MYRIP: variants seen among roughly 807,000 people sequenced by gnomAD.
MYRIP encodes myosin VIIA and Rab interacting protein, also known as rab effector MyRIP.
In MYRIP, 49 loss-of-function variants were observed where a neutral mutation model predicts 98.0. The ratio of observed to expected loss-of-function variants is 0.50; its 90% CI spans 0.40 to 0.63. The LOEUF (loss-of-function observed/expected upper bound fraction) is 0.63, where lower values mean the gene tolerates loss of function less well. MYRIP is among the 30% of genes least tolerant of loss of function. MYRIP has a pLI of 0.00. For synonymous variants in MYRIP, 404 were observed against 409.5 expected (o/e 0.99, Z 0.16); for missense variants, 1,004 against 1,058.2 (o/e 0.95, Z 0.71).
At chr3:40,018,277 A>C (rs936511016) in intron 2 of MYRIP, among the ~76,000 whole-genome samples, 1 of 152,180 alleles carries the variant, frequency 6.6e-6, no homozygotes, top group African/African-American at 2.4e-5. Context: ...TTTTACCATC[A>C]GAAATTGACT....
intron 2 of MYRIP, among the ~76,000 whole-genome samples, chr3:39,914,243 G>A (rs1052658349): frequency 5.9e-5 from 9 of 151,944 alleles, no homozygotes; most frequent in Admixed American, 2.6e-4. Context: ...CAAATAAGAC[G>A]GATAACATTA....
At chr3:40,043,905 C>CT in intron 2 of MYRIP, 145 bp from the exon 3 acceptor site, 1 of 651,256 alleles carries the variant, frequency 1.5e-6, no homozygotes, top group Non-Finnish European at 2.7e-6. Flanking sequence ...AGCAGTTGAT[C>CT]TTTCTGAGTT....
chr3:39,972,372 C>G (rs549012352), intron 2 of MYRIP, among the ~76,000 whole-genome samples: 1 of 152,036 alleles, frequency 6.6e-6, no homozygotes, highest in South Asian at 2.1e-4. Context: ...ATTAATTTAA[C>G]TTTGTTTTTG....
chr3:39,835,047 A>T (rs771765569), intron 1 of MYRIP, among the ~76,000 whole-genome samples: 3 of 152,326 alleles, frequency 2.0e-5, no homozygotes, highest in African/African-American at 7.2e-5. Context: ...TTCCATGTCA[A>T]TAAGAATGGA....
intron 2 of MYRIP, among the ~76,000 whole-genome samples, chr3:39,931,581 T>A (rs1239501380): frequency 6.6e-6 from 1 of 152,150 alleles, no homozygotes; most frequent in Non-Finnish European, 1.5e-5. Flanking sequence ...ATCCTTGTAT[T>A]GTTTTTTATC....
chr3:39,886,781 G>A (rs188613378), intron 1 of MYRIP, among the ~76,000 whole-genome samples: 4,214 of 151,684 alleles, frequency 0.028, 153 homozygotes, highest in East Asian at 0.15. Context: ...ACAGATCAAC[G>A]AGACAGAAAG....
At chr3:40,048,549 C>A (rs1947718396) in intron 3 of MYRIP, among the ~76,000 whole-genome samples, 1 of 152,090 alleles carries the variant, frequency 6.6e-6, no homozygotes, top group South Asian at 2.1e-4. Context: ...AGAAACATGG[C>A]ATTCATCAGG....
intron 2 of MYRIP, among the ~76,000 whole-genome samples, chr3:40,016,737 G>A (rs1253262138): frequency 6.6e-6 from 1 of 152,194 alleles, no homozygotes; most frequent in Non-Finnish European, 1.5e-5. Flanking sequence ...TGAAATTACT[G>A]TATCTCAAAC....
chr3:40,031,137 A>G (rs1947251919), intron 2 of MYRIP, among the ~76,000 whole-genome samples: 1 of 152,118 alleles, frequency 6.6e-6, no homozygotes, highest in African/African-American at 2.4e-5. Context: ...GGTCCAAGAT[A>G]AAGATGTCAG....
chr3:40,222,050 C>T (rs1214462911), intron 11 of MYRIP, among the ~76,000 whole-genome samples: 1 of 151,988 alleles, frequency 6.6e-6, no homozygotes, highest in Non-Finnish European at 1.5e-5. Flanking sequence ...CTTGGTTTTG[C>T]CCAGGAAAGA....
At chr3:39,965,772 C>T (rs1165276654) in intron 2 of MYRIP, among the ~76,000 whole-genome samples, 1 of 152,044 alleles carries the variant, frequency 6.6e-6, no homozygotes. Context: ...CACAAAATAC[C>T]TTCACAGCTA....
intron 1 of MYRIP, among the ~76,000 whole-genome samples, chr3:39,884,021 A>G (rs991059282): frequency 1.3e-5 from 2 of 152,134 alleles, no homozygotes. Flanking sequence ...CAAAAATATA[A>G]CACAAAACAA....
chr3:40,199,570 A>G (rs1951494824), intron 10 of MYRIP, among the ~76,000 whole-genome samples: 2 of 152,198 alleles, frequency 1.3e-5, no homozygotes, highest in Non-Finnish European at 2.9e-5. Flanking sequence ...CTGGGGCTCC[A>G]GAAGGTTCGC....
At chr3:39,877,450 G>GT (rs1156290656) in intron 1 of MYRIP, among the ~76,000 whole-genome samples, 273 of 152,072 alleles carry the variant, frequency 1.8e-3, no homozygotes, top group African/African-American at 6.1e-3. Context: ...TTTCTGCTCT[G>GT]TTTTTTCCCC....
At chr3:39,970,119 A>G (rs1429011878) in intron 2 of MYRIP, 1 of 152,136 alleles carries the variant, frequency 6.6e-6, no homozygotes, top group Non-Finnish European at 1.5e-5. Context: ...TCTTAACAAT[A>G]GATGGAGCTT....
intron 1 of MYRIP, among the ~76,000 whole-genome samples, chr3:39,873,436 T>G (rs549048405): frequency 6.6e-6 from 1 of 152,208 alleles, no homozygotes; most frequent in Non-Finnish European, 1.5e-5. Flanking sequence ...TGAATGGTAA[T>G]GCCTAGGTTT....
At chr3:39,938,896 A>G (rs1168777852) in intron 2 of MYRIP, among the ~76,000 whole-genome samples, 1 of 152,158 alleles carries the variant, frequency 6.6e-6, no homozygotes, top group African/African-American at 2.4e-5. Context: ...TACATCTCAC[A>G]AGTGGCAAAG....
chr3:40,126,705 G>GT (rs772148781), intron 3 of MYRIP, among the ~76,000 whole-genome samples: 27 of 152,118 alleles, frequency 1.8e-4, no homozygotes, highest in Non-Finnish European at 3.1e-4. Flanking sequence ...TTTTTGTTTT[G>GT]TTTTTTGCAA....
chr3:39,982,084 A>G (rs1945910098), intron 2 of MYRIP, among the ~76,000 whole-genome samples: 2 of 152,240 alleles, frequency 1.3e-5, no homozygotes, highest in African/African-American at 4.8e-5. Context: ...CATTTCCAAG[A>G]TCATTCAATG....
Sources: allele counts gnomAD v4.1 joint callset (sites outside exome capture counted in the v4.1 genomes callset), GRCh38; gene constraint gnomAD v4.1.1; transcripts MANE v1.5; gene names NCBI Gene and HGNC (gene_info 2026-07-23, HGNC 2026-07-21).